PGBD5: variants seen among roughly 807,000 people sequenced by gnomAD.
The protein encoded by PGBD5 is piggyBac transposable element derived 5, also known as piggyBac transposable element-derived protein 5.
PGBD5 carries 14 observed loss-of-function variants against 47.9 expected under a neutral mutation model. That is an observed-to-expected ratio of 0.29 (90% CI 0.19 to 0.46). The LOEUF (loss-of-function observed/expected upper bound fraction) is 0.46. Ranked by LOEUF, PGBD5 falls within the 20% of genes least tolerant of loss-of-function variation. The probability of loss-of-function intolerance (pLI) is 1.00; values close to 1 mark genes in which losing one functional copy is unlikely to be tolerated. For missense variants in PGBD5, 635 were observed against 716.0 expected, an observed-to-expected ratio of 0.89 and a Z score of 1.29; for synonymous variants, 316 against 306.3, an observed-to-expected ratio of 1.03 and a Z score of -0.33.
chr1:230,397,806 T>C (rs1166845737), intron 1 of PGBD5, among the ~76,000 whole-genome samples: 1 of 152,198 alleles, frequency 6.6e-6, no homozygotes, highest in Non-Finnish European at 1.5e-5. Flanking sequence ...ATCTTCCTTA[T>C]GTGTCTTGCC....
intron 2 of PGBD5, among the ~76,000 whole-genome samples, chr1:230,352,802 G>A (rs1241585299): frequency 1.3e-5 from 2 of 152,190 alleles, no homozygotes. Flanking sequence ...CCCCCACACA[G>A]TGGGAGAATG....
chr1:230,359,062 T>C (rs1384376923), intron 1 of PGBD5, among the ~76,000 whole-genome samples: 1 of 151,982 alleles, frequency 6.6e-6, no homozygotes, highest in Admixed American at 6.5e-5. Flanking sequence ...TGTATATTGA[T>C]TTTTCTTTTC....
chr1:230,357,709 G>A lies in PGBD5; in HGVS notation c.332-388C>T, dbSNP rs1667675500. On this transcript the variant is annotated intron_variant, in intron 1 of 6. Coordinates refer to ENST00000391860, the MANE Select transcript of PGBD5 (RefSeq NM_001258311.2). The surrounding 1 kb of genome is among the most constrained non-coding windows in gnomAD (Gnocchi z 5.7). ...TGCTCTCCAGAACCCGTGTGGCACA[G>A]GGTGTCGGTCTAGGGAGTTTCACAC... Among the ~76,000 whole-genome samples, 1 of 152,206 alleles carries A rather than the reference G, an allele frequency of 6.6e-6. No homozygotes were observed. The highest frequency in any genetic ancestry group is 2.4e-5 in the African/African-American group (1 of 41,436).
intron 3 of PGBD5, among the ~76,000 whole-genome samples, chr1:230,344,700 G>C (rs1037401101): frequency 6.6e-6 from 1 of 152,164 alleles, no homozygotes; most frequent in Non-Finnish European, 1.5e-5. Context: ...ATGTGTGCAG[G>C]GGGTAGGAAG....
rs184660350 is a variant in PGBD5 at position 230,315,878 on chromosome 1, G to A, written c.*7547C>T. Reference sequence around the variant, plus strand: ...TACATGTGTATATATATACATATATGGATACATACATATTTATGTGTACAC... The same window carrying A: ...TACATGTGTATATATATACATATATAGATACATACATATTTATGTGTACAC... On this transcript the variant is annotated 3_prime_UTR_variant, in exon 7 of 7. Coordinates refer to ENST00000391860, the MANE Select transcript of PGBD5 (RefSeq NM_001258311.2). 1.4e-5 allele frequency: 2 copies of A among 147,250 alleles called. No homozygotes were observed. Among genetic ancestry groups the A allele is most frequent in the Non-Finnish European group, 3.0e-5 (2 of 66,390 alleles). 9.1% of individuals were successfully genotyped at this position (147,250 alleles called of 1,614,324 possible).
At chr1:230,360,074 G>A (rs1297403021) in intron 1 of PGBD5, among the ~76,000 whole-genome samples, 3 of 152,228 alleles carry the variant, frequency 2.0e-5, no homozygotes, top group Admixed American at 6.5e-5. Context: ...TTCAAGGATA[G>A]TGCTCAAAGA....
intron 5 of PGBD5, among the ~76,000 whole-genome samples, chr1:230,328,300 G>A (rs1173404971): frequency 1.3e-5 from 2 of 152,006 alleles, no homozygotes; most frequent in Non-Finnish European, 2.9e-5. Flanking sequence ...AATTTAACAT[G>A]GGGGTTTCAG....
chr1:230,362,467 C>T (rs1667763212), intron 1 of PGBD5: 19 of 1,216,742 alleles, frequency 1.6e-5, no homozygotes, highest in Non-Finnish European at 1.8e-5. Flanking sequence ...AGGCCTGATC[C>T]TCCTGGAAGG....
At chr1:230,360,556 T>A (rs1027770549) in intron 1 of PGBD5, among the ~76,000 whole-genome samples, 1 of 152,098 alleles carries the variant, frequency 6.6e-6, no homozygotes, top group African/African-American at 2.4e-5. Flanking sequence ...AGTGAGTGAA[T>A]CTCACAAGAT....
intron 1 of PGBD5, among the ~76,000 whole-genome samples, chr1:230,417,449 A>G (rs1403923977): frequency 1.3e-5 from 2 of 152,234 alleles, no homozygotes; most frequent in Non-Finnish European, 2.9e-5. Flanking sequence ...TTGCAATAGT[A>G]ATAATTATAG....
At chr1:230,416,508 G>C (rs1657515766) in intron 1 of PGBD5, among the ~76,000 whole-genome samples, 1 of 152,186 alleles carries the variant, frequency 6.6e-6, no homozygotes, top group Non-Finnish European at 1.5e-5. Context: ...GCTTATGCAG[G>C]TGGCAGTGAG....
At chr1:230,389,106 C>G (rs994207872) in intron 1 of PGBD5, among the ~76,000 whole-genome samples, 1 of 152,128 alleles carries the variant, frequency 6.6e-6, no homozygotes, top group Non-Finnish European at 1.5e-5. Flanking sequence ...TTTGACAAGG[C>G]TTCGATGCAA....
chr1:230,368,145 C>T (rs761939096), intron 1 of PGBD5: 1 of 1,367,610 alleles, frequency 7.3e-7, no homozygotes, highest in South Asian at 1.1e-5. Flanking sequence ...GAGGAGGAGG[C>T]TGCGGAGGAG....
rs746466330 is a variant in PGBD5, at chr1:230,357,254, G to A, written c.399C>T (p.Asn133=). The A allele has an allele frequency of 6.2e-6, 10 of 1,614,038 alleles. No individual in the cohort carries two copies. The highest frequency in any genetic ancestry group is 2.2e-5 in the East Asian group (1 of 44,890). ...VDFFQLFVPD[N]VLKNMVVQTN... ...TCTGCACCACCATGTTCTTGAGGAC[G>A]TTGTCTGGGACAAAGAGCTGGAAGA... The change falls in exon 2 of 7, where the codon AAC becomes AAT. Residue 133 remains asparagine, a synonymous_variant. Coordinates refer to ENST00000391860, the MANE Select transcript of PGBD5 (RefSeq NM_001258311.2). The surrounding 1 kb of genome is among the most constrained non-coding windows in gnomAD (Gnocchi z 5.7).
Position 230,314,581 on chromosome 1 carries a change from C to CTTTTTTTTTTTTTTT in PGBD5, c.*8829_*8843dup. 1 of 88,384 alleles carries CTTTTTTTTTTTTTTT rather than the reference C, an allele frequency of 1.1e-5. No individual in the cohort carries two copies. The allele number at this position is 88,384 out of a possible 1,614,324, so 5.5% of individuals were successfully genotyped here. ...ACATGACAAAATGCTTGAATTAAAT[C>CTTTTTTTTTTTTTTT]TTTTTTTTTTTTTTTTTTTTTTTTG... On this transcript the variant is annotated 3_prime_UTR_variant, in exon 7 of 7. Coordinates refer to ENST00000391860, the MANE Select transcript of PGBD5 (RefSeq NM_001258311.2).
intron 5 of PGBD5, among the ~76,000 whole-genome samples, 177 bp from the exon 6 acceptor site, chr1:230,325,592 G>C (rs934595077): frequency 6.6e-6 from 1 of 152,124 alleles, no homozygotes; most frequent in African/African-American, 2.4e-5. Context: ...TGCTTCAGAG[G>C]GATTGAGGAA....
chr1:230,405,077 C>A (rs1451778107), intron 1 of PGBD5, among the ~76,000 whole-genome samples: 1 of 151,152 alleles, frequency 6.6e-6, no homozygotes, highest in Non-Finnish European at 1.5e-5. Context: ...CGCCTGTAGT[C>A]CCAGCTACTT....
At chr1:230,372,256 T>G (rs1272390361) in intron 1 of PGBD5, among the ~76,000 whole-genome samples, 1 of 152,238 alleles carries the variant, frequency 6.6e-6, no homozygotes, top group Non-Finnish European at 1.5e-5. Context: ...GAGTGCACTG[T>G]GAGCCTGTTT....
Position 230,390,873 on chromosome 1 carries a change from A to G in PGBD5, c.332-33552T>C, listed in dbSNP as rs112620435. Among the ~76,000 whole-genome samples the G allele has an allele frequency of 3.8e-3, 574 of 152,176 alleles. 4 individuals are homozygous for G. The highest frequency in any genetic ancestry group is 0.013 in the African/African-American group (546 of 41,510). On this transcript the variant is annotated intron_variant, in intron 1 of 6. Transcript: ENST00000391860. ...TCATGTCTCAGCCTCCCGAATAGCT[A>G]GGATTACAGGAACGCACCACCACAG...
Sources: allele counts gnomAD v4.1 joint callset (sites outside exome capture counted in the v4.1 genomes callset), GRCh38; gene constraint gnomAD v4.1.1; non-coding constraint Gnocchi (gnomAD v3.1); transcripts MANE v1.5; gene names NCBI Gene and HGNC (gene_info 2026-07-23, HGNC 2026-07-21).